Variants in CCZ1 observed in about 807,000 individuals in gnomAD.
CCZ1 encodes vacuolar fusion protein CCZ1 homolog.
A neutral mutation model predicts 57.8 loss-of-function variants in CCZ1; 19 were observed. The ratio of observed to expected loss-of-function variants is 0.33; its 90% CI spans 0.23 to 0.48. The LOEUF (loss-of-function observed/expected upper bound fraction) is 0.48, where lower values mean the gene tolerates loss of function less well. Ranked by LOEUF, CCZ1 falls within the 20% of genes least tolerant of loss-of-function variation. CCZ1 has a pLI of 0.99. For missense variants in CCZ1, 200 were observed against 492.0 expected, an observed-to-expected ratio of 0.41 and a Z score of 5.61; for synonymous variants, 81 against 167.0, an observed-to-expected ratio of 0.49 and a Z score of 3.97.
intron 1 of CCZ1, among the ~76,000 whole-genome samples, chr7:5,900,054 G>C (rs1276864918): frequency 1.3e-5 from 2 of 150,860 alleles, no homozygotes; most frequent in Non-Finnish European, 2.9e-5. Context: ...AAATAATAGA[G>C]ACGTCTCACT....
At position 5,923,942 on chromosome 7, in the gene CCZ1, CAAACCTGATTGAAGTAAATGGTA is replaced by C; in HGVS notation, c.1375_1393+4del. 7.3e-7 allele frequency: 1 copy of C among 1,374,650 alleles called. No homozygotes were observed. The highest frequency in any genetic ancestry group is 1.0e-6 in the Non-Finnish European group (1 of 986,220). The allele number at this position is 1,374,650 out of a possible 1,614,324, so 85.2% of individuals were successfully genotyped here. On this transcript the variant is annotated splice_donor_variant and splice_donor_region_variant and coding_sequence_variant and intron_variant, in exon 14 of 15. Transcript: ENST00000325974. LOFTEE classifies it high-confidence loss of function. ...TATGTTATTTTGAATCAAAAAAATG[CAAACCTGATTGAAGTAAATGGTA>C]AGTAGGATTTGGTATTTCAGGAGAA...
intron 10 of CCZ1, among the ~76,000 whole-genome samples, chr7:5,914,086 G>T (rs1176262192): frequency 2.0e-5 from 3 of 146,864 alleles, no homozygotes; most frequent in Non-Finnish European, 4.5e-5. Context: ...AAAGAAACAT[G>T]ATTCCGAGGA....
At chr7:5,922,899 C>T (rs1445156131) in intron 12 of CCZ1, among the ~76,000 whole-genome samples, 1 of 150,504 alleles carries the variant, frequency 6.6e-6, no homozygotes, top group Non-Finnish European at 1.5e-5. Context: ...TAATAAGTAT[C>T]TCAGATGTCA....
intron 10 of CCZ1, among the ~76,000 whole-genome samples, chr7:5,915,283 GT>G (rs1158416077): frequency 6.7e-6 from 1 of 149,936 alleles, no homozygotes; most frequent in Non-Finnish European, 1.5e-5. Flanking sequence ...AAACCAAAAT[GT>G]TGGAGGTGTA....
intron 12 of CCZ1, among the ~76,000 whole-genome samples, chr7:5,920,313 TTGTGTGAAAA>T (rs1486117084): frequency 1.8e-5 from 2 of 112,760 alleles, no homozygotes; most frequent in African/African-American, 3.3e-5. Flanking sequence ...TTGCCTCTCG[TTGTGTGAAAA>T]TGTGTAGGGG....
chr7:5,900,278 T>C lies in CCZ1; in HGVS notation c.121-6T>C, dbSNP rs1220213804. On this transcript the variant is annotated splice_region_variant and splice_polypyrimidine_tract_variant and intron_variant, in intron 1 of 14. Coordinates refer to ENST00000325974, the MANE Select transcript of CCZ1 (RefSeq NM_015622.6). Reference sequence around the variant, plus strand: ...CATGTTGTGCTTCTGTTTCCTCATGTTTCAGGAGGAAAATAAGATTTTATT... The same window carrying C: ...CATGTTGTGCTTCTGTTTCCTCATGCTTCAGGAGGAAAATAAGATTTTATT... 2.0e-6 allele frequency: 3 copies of C among 1,469,968 alleles called. No homozygotes were observed. The African/African-American group carries it at 4.3e-5, about 21-fold the overall frequency. 91.1% of individuals were successfully genotyped at this position (1,469,968 alleles called of 1,614,324 possible). A position where few individuals can be genotyped will look rare whatever the true frequency, so the allele number is the denominator to read the frequency against.
chr7:5,907,233 C>A (rs1197943080), intron 7 of CCZ1, among the ~76,000 whole-genome samples: 1 of 149,526 alleles, frequency 6.7e-6, no homozygotes, highest in Non-Finnish European at 1.5e-5. Context: ...TAGTTGCTTT[C>A]TGTGATATGT....
rs143496210 is a variant in CCZ1 at position 5,910,765 on chromosome 7, T to C, written c.780+649T>C. Among the ~76,000 whole-genome samples the C allele has an allele frequency of 3.0e-4, 44 of 147,302 alleles. 5 individuals are homozygous for C. The East Asian group carries it at 4.0e-3, about 13-fold the overall frequency. On this transcript the variant is annotated intron_variant, in intron 8 of 14. Transcript: ENST00000325974. ...TTATTTATTTATTGGGACAGAGTTTTGTTCTTTTCGCCCAGGCTGGAGTGC... is the reference window on the plus strand; with the variant it reads ...TTATTTATTTATTGGGACAGAGTTTCGTTCTTTTCGCCCAGGCTGGAGTGC...
At chr7:5,906,112 T>C (rs916523495) in intron 7 of CCZ1, among the ~76,000 whole-genome samples, 9 of 146,954 alleles carry the variant, frequency 6.1e-5, no homozygotes, top group African/African-American at 2.3e-4. Context: ...ACCAGGAAAT[T>C]ACCTGCTATC....
rs367905990 is a variant in CCZ1 at position 5,912,946 on chromosome 7, G to A, written c.946G>A (p.Val316Ile). The A allele has an allele frequency of 8.7e-6, 14 of 1,601,530 alleles. No homozygotes were observed. The highest frequency in any genetic ancestry group is 1.7e-4 in the Middle Eastern group (1 of 5,992). The change falls in exon 10 of 15, where the codon GTT becomes ATT. Residue 316 changes from valine (V) to isoleucine (I), a missense_variant. Val to Ile is a conservative substitution (Grantham distance 29). Coordinates refer to ENST00000325974, the MANE Select transcript of CCZ1 (RefSeq NM_015622.6). ...DDTYEELHLI[V>I]YKAMSAAVCF... ...CACTTATGAAGAGCTCCATTTAATC[G>A]TTTATAAGGTAACAACTGTTTTCCT...
chr7:5,916,640 A>G (rs1426367070), intron 10 of CCZ1, among the ~76,000 whole-genome samples: 19 of 146,444 alleles, frequency 1.3e-4, no homozygotes, highest in African/African-American at 3.0e-4. Flanking sequence ...GGCTGTCTCT[A>G]TGGAGTGTTG....
chr7:5,905,902 C>CTT (rs148585423), intron 7 of CCZ1, among the ~76,000 whole-genome samples: 13,036 of 92,794 alleles, frequency 0.14, 1,596 homozygotes, highest in Admixed American at 0.21. Context: ...ATTTTTATAC[C>CTT]TTTTTTTTTT....
At chr7:5,903,098 T>C (rs1781722032) in intron 6 of CCZ1, among the ~76,000 whole-genome samples, 1 of 148,798 alleles carries the variant, frequency 6.7e-6, no homozygotes, top group Non-Finnish European at 1.5e-5. Context: ...AACTTAATTA[T>C]TGGAGTTGCA....
intron 6 of CCZ1, among the ~76,000 whole-genome samples, chr7:5,903,367 C>T (rs1330175613): frequency 6.9e-6 from 1 of 145,020 alleles, no homozygotes; most frequent in East Asian, 2.3e-4. Context: ...GATCTTCCCT[C>T]CTTGGCCTCC....
At chr7:5,911,150 TG>T (rs1781970043) in intron 8 of CCZ1, among the ~76,000 whole-genome samples, 2 of 149,236 alleles carry the variant, frequency 1.3e-5, no homozygotes, top group African/African-American at 5.0e-5. Context: ...TTTCAGTAGA[TG>T]TTTTAGTGCC....
At chr7:5,914,064 C>T (rs1351738850) in intron 10 of CCZ1, among the ~76,000 whole-genome samples, 1 of 145,950 alleles carries the variant, frequency 6.9e-6, no homozygotes, top group African/African-American at 2.5e-5. Context: ...AAAAACAAAA[C>T]TAGAGGTCTC....
intron 7 of CCZ1, among the ~76,000 whole-genome samples, chr7:5,906,869 C>CT (rs369672255): frequency 0.018 from 2,605 of 147,626 alleles, 172 homozygotes; most frequent in African/African-American, 0.061. Flanking sequence ...AACCCATCTA[C>CT]TTTTTTTTTT....
rs201749747 is a variant in CCZ1, at chr7:5,923,362, C to G, written c.1107-25C>G. ...CTAGTTGTATCCGGCCCGAGTGCTA[C>G]TGTCTTCGTGACATGTTTTCACAGG... On this transcript the variant is annotated intron_variant, in intron 12 of 14. Coordinates refer to ENST00000325974, the MANE Select transcript of CCZ1 (RefSeq NM_015622.6). 587 of 212,280 alleles carry G rather than the reference C, an allele frequency of 2.8e-3. 11 individuals carry two copies. In the African/African-American group the frequency reaches 0.052, roughly 19 times the overall value. 13.1% of individuals were successfully genotyped at this position (212,280 alleles called of 1,614,324 possible).
rs867097136 is a variant in CCZ1, at chr7:5,912,557, G to A, written c.843-286G>A. On this transcript the variant is annotated intron_variant, in intron 9 of 14. Coordinates refer to ENST00000325974, the MANE Select transcript of CCZ1 (RefSeq NM_015622.6). Reference sequence around the variant, plus strand: ...TGGGATTGCAGGTGCCCACCACCACGACCAGCTAATTTTTGTAGTTTTAGT... The same window carrying A: ...TGGGATTGCAGGTGCCCACCACCACAACCAGCTAATTTTTGTAGTTTTAGT... Among the ~76,000 whole-genome samples, 40 of 145,386 alleles carry A rather than the reference G, an allele frequency of 2.8e-4. 1 individual carries two copies. Among genetic ancestry groups the A allele is most frequent in the African/African-American group, 7.4e-4 (29 of 39,110 alleles).
Sources: allele counts gnomAD v4.1 joint callset (sites outside exome capture counted in the v4.1 genomes callset), GRCh38; gene constraint gnomAD v4.1.1; transcripts MANE v1.5; gene names NCBI Gene and HGNC (gene_info 2026-07-23, HGNC 2026-07-21).